XPR1: variants seen among roughly 807,000 people sequenced by gnomAD.
XPR1 encodes xenotropic and polytropic retrovirus receptor 1, also known as solute carrier family 53 member 1.
A neutral mutation model predicts 87.5 loss-of-function variants in XPR1; 28 were observed. The observed-to-expected ratio is 0.32, with a 90% CI of 0.24 to 0.44. XPR1 has a LOEUF of 0.44. XPR1 is among the 20% of genes least tolerant of loss of function. The pLI is 1.00. For synonymous variants in XPR1, 300 were observed against 306.1 expected, an observed-to-expected ratio of 0.98 and a Z score of 0.21; for missense variants, 559 against 862.3, an observed-to-expected ratio of 0.65 and a Z score of 4.41.
intron 11 of XPR1, among the ~76,000 whole-genome samples, chr1:180,851,379 A>T (rs1651865577): frequency 6.6e-6 from 1 of 152,176 alleles, no homozygotes; most frequent in South Asian, 2.1e-4. Context: ...AGAGGGTAAG[A>T]TGGAATCTGT....
At chr1:180,713,038 C>G (rs1009418291) in intron 2 of XPR1, among the ~76,000 whole-genome samples, 2 of 149,760 alleles carry the variant, frequency 1.3e-5, no homozygotes, top group East Asian at 3.9e-4. Context: ...AAAAAAAAGC[C>G]TGGTAAGATT....
At chr1:180,854,514 A>G (rs1571897032) in intron 11 of XPR1, among the ~76,000 whole-genome samples, 1 of 152,240 alleles carries the variant, frequency 6.6e-6, no homozygotes, top group Non-Finnish European at 1.5e-5. Flanking sequence ...AGCAGAGCAC[A>G]GAGGCATCTT....
chr1:180,706,425 A>G (rs771670144), intron 2 of XPR1, among the ~76,000 whole-genome samples: 3 of 152,226 alleles, frequency 2.0e-5, no homozygotes, highest in Non-Finnish European at 4.4e-5. Context: ...AATTAGAGCC[A>G]TATGCTCCCT....
chr1:180,654,417 C>T (rs1172603451), intron 1 of XPR1, among the ~76,000 whole-genome samples: 1 of 152,034 alleles, frequency 6.6e-6, no homozygotes. Flanking sequence ...GTAAAATATG[C>T]ATAATATAAA....
At chr1:180,878,240 T>C (rs1171664935) in intron 13 of XPR1, 1 of 152,246 alleles carries the variant, frequency 6.6e-6, no homozygotes, top group Non-Finnish European at 1.5e-5. Flanking sequence ...TAAAATCATT[T>C]GCTTACTAAC....
intron 11 of XPR1, among the ~76,000 whole-genome samples, chr1:180,863,183 C>T (rs1209184537): frequency 6.6e-6 from 1 of 152,036 alleles, no homozygotes; most frequent in Admixed American, 6.6e-5. Context: ...ATCCTTATCA[C>T]TCTGTTGTTT....
At chr1:180,747,521 A>G (rs974940520) in intron 2 of XPR1, among the ~76,000 whole-genome samples, 1 of 152,200 alleles carries the variant, frequency 6.6e-6, no homozygotes, top group African/African-American at 2.4e-5. Context: ...TTATTTATTT[A>G]GTATTTACTA....
At chr1:180,848,139 A>T (rs1651749154) in intron 11 of XPR1, among the ~76,000 whole-genome samples, 1 of 152,164 alleles carries the variant, frequency 6.6e-6, no homozygotes, top group South Asian at 2.1e-4. Flanking sequence ...AGTAATTAGG[A>T]TATCCATCTC....
At chr1:180,791,653 G>A (rs1649393736) in intron 3 of XPR1, among the ~76,000 whole-genome samples, 1 of 152,128 alleles carries the variant, frequency 6.6e-6, no homozygotes, top group Non-Finnish European at 1.5e-5. Context: ...ATGTTTGTAT[G>A]CATCTATATG....
chr1:180,796,377 AT>A (rs947313164), intron 3 of XPR1, among the ~76,000 whole-genome samples: 1 of 152,094 alleles, frequency 6.6e-6, no homozygotes, highest in Non-Finnish European at 1.5e-5. Flanking sequence ...ATTGAATATG[AT>A]TTTTTCAAAC....
At chr1:180,810,636 G>A (rs913094187) in intron 6 of XPR1, among the ~76,000 whole-genome samples, 6 of 151,812 alleles carry the variant, frequency 4.0e-5, no homozygotes, top group African/African-American at 7.3e-5. Flanking sequence ...GAAAGTAAGC[G>A]TTCTTGTCTC....
chr1:180,855,134 A>G (rs907633568), intron 11 of XPR1, among the ~76,000 whole-genome samples: 9 of 152,144 alleles, frequency 5.9e-5, no homozygotes, highest in Admixed American at 2.0e-4. Flanking sequence ...AGACAAATAT[A>G]TATTCAATTT....
rs975381834 is a variant in XPR1 at position 180,859,719 on chromosome 1, T to G, written c.1502-3989T>G. 6.6e-5 allele frequency among the ~76,000 whole-genome samples: 10 copies of G among 152,308 alleles called. No homozygotes were observed. The East Asian group carries it at 1.5e-3, about 23-fold the overall frequency. ...ACTCTGAAATATTCTGTAAGAATAT[T>G]TATTTAAAAGGCAGTAAGTCCTCAT... On this transcript the variant is annotated intron_variant, in intron 11 of 14. Transcript: ENST00000367590.
chr1:180,726,699 A>G (rs1002875579), intron 2 of XPR1, among the ~76,000 whole-genome samples: 7 of 1,254 alleles, frequency 5.6e-3, no homozygotes, highest in Non-Finnish European at 8.3e-3. Context: ...TCCAGCTTCT[A>G]TTAACCCAGA....
At chr1:180,751,035 G>A (rs1647515862) in intron 2 of XPR1, among the ~76,000 whole-genome samples, 2 of 151,860 alleles carry the variant, frequency 1.3e-5, no homozygotes, top group African/African-American at 4.8e-5. Flanking sequence ...AATGGTAATG[G>A]TTTTAAATTT....
intron 2 of XPR1, among the ~76,000 whole-genome samples, chr1:180,690,687 T>C (rs1032223201): frequency 6.6e-6 from 1 of 151,738 alleles, no homozygotes; most frequent in Non-Finnish European, 1.5e-5. Flanking sequence ...CTTACTGATA[T>C]CTTGTTTTAA....
chr1:180,716,790 C>T lies in XPR1; in HGVS notation c.121+34379C>T, dbSNP rs149578735. ...TTTTTGCTCTTTCAGCAGCTATTTG[C>T]TACCTTGAAACAAATGACTTAGGTA... On this transcript the variant is annotated intron_variant, in intron 2 of 14. Transcript: ENST00000367590. Among the ~76,000 whole-genome samples, 92 of 152,298 alleles carry T rather than the reference C, an allele frequency of 6.0e-4. 2 individuals carry two copies. Among genetic ancestry groups the T allele is most frequent in the African/African-American group, 2.1e-3 (87 of 41,562 alleles).
intron 9 of XPR1, among the ~76,000 whole-genome samples, chr1:180,827,080 G>A (rs569614140): frequency 6.7e-6 from 1 of 148,174 alleles, no homozygotes; most frequent in East Asian, 2.0e-4. Context: ...CTTGAACCCA[G>A]GAAGTGGAAG....
chr1:180,720,080 G>C lies in XPR1; in HGVS notation c.121+37669G>C, dbSNP rs1658129968. ...TAGAATGGTTTACAACAAGGTAAGT[G>C]GTTCTGACAGAAAGAAGAAAAGCAG... On this transcript the variant is annotated intron_variant, in intron 2 of 14. Coordinates refer to ENST00000367590, the MANE Select transcript of XPR1 (RefSeq NM_004736.4). 2.0e-5 allele frequency among the ~76,000 whole-genome samples: 3 copies of C among 152,040 alleles called. No individual in the cohort carries two copies. The South Asian group carries it at 6.2e-4, about 32-fold the overall frequency.
Sources: gnomAD v4.1 joint callset for allele counts (sites outside exome capture counted in the v4.1 genomes callset) on GRCh38, gnomAD v4.1.1 for gene constraint, MANE v1.5 for transcripts, NCBI Gene and HGNC (gene_info 2026-07-23, HGNC 2026-07-21) for gene names.